The following TSHZ2 variants were observed in gnomAD, a reference collection of about 807,000 sequenced individuals.
The protein encoded by TSHZ2 is teashirt homolog 2.
Under a neutral mutation model 74.4 loss-of-function variants are expected in TSHZ2, and 21 were observed. The observed-to-expected ratio is 0.28, with a 90% CI of 0.20 to 0.41. The LOEUF (loss-of-function observed/expected upper bound fraction) is 0.41, where lower values mean the gene tolerates loss of function less well. Ranked by LOEUF, TSHZ2 falls within the 10% of genes least tolerant of loss-of-function variation. The pLI is 1.00. For synonymous variants in TSHZ2, 540 were observed against 515.3 expected, an observed-to-expected ratio of 1.05 and a Z score of -0.65; for missense variants, 1,244 against 1,293.5, an observed-to-expected ratio of 0.96 and a Z score of 0.59.
At chr20:53,190,412 C>A (rs1988711085) in intron 1 of TSHZ2, among the ~76,000 whole-genome samples, 1 of 151,664 alleles carries the variant, frequency 6.6e-6, no homozygotes, top group Non-Finnish European at 1.5e-5. Flanking sequence ...AGCAGCAACA[C>A]CCCTCTAGTG....
At chr20:53,005,398 G>A (rs998764998) in intron 1 of TSHZ2, among the ~76,000 whole-genome samples, 6 of 152,182 alleles carry the variant, frequency 3.9e-5, no homozygotes, top group Non-Finnish European at 8.8e-5. Flanking sequence ...TGGAGAAAAC[G>A]TGTAGATGTC....
intron 1 of TSHZ2, among the ~76,000 whole-genome samples, chr20:52,988,090 T>G (rs144833530): frequency 2.0e-5 from 3 of 152,188 alleles, no homozygotes; most frequent in African/African-American, 4.8e-5. Flanking sequence ...GCCCTTTCTA[T>G]GTAGTACCGG....
intron 1 of TSHZ2, among the ~76,000 whole-genome samples, chr20:53,065,742 A>G (rs1490750455): frequency 6.6e-6 from 1 of 152,202 alleles, no homozygotes; most frequent in Non-Finnish European, 1.5e-5. Flanking sequence ...TGTGCTGCAG[A>G]CGTGAATATA....
At chr20:53,041,873 C>A in intron 1 of TSHZ2, among the ~76,000 whole-genome samples, 1 of 152,222 alleles carries the variant, frequency 6.6e-6, no homozygotes, top group East Asian at 1.9e-4. Context: ...GCCCTACTGG[C>A]ATGAGCTCAT....
At chr20:53,052,149 C>T (rs916005387) in intron 1 of TSHZ2, among the ~76,000 whole-genome samples, 1 of 152,188 alleles carries the variant, frequency 6.6e-6, no homozygotes, top group Non-Finnish European at 1.5e-5. Flanking sequence ...CTCCTACTCC[C>T]CAGATCCTGG....
At chr20:53,240,497 A>G (rs1184044798) in intron 1 of TSHZ2, among the ~76,000 whole-genome samples, 1 of 152,110 alleles carries the variant, frequency 6.6e-6, no homozygotes, top group Non-Finnish European at 1.5e-5. Context: ...TACAACTGCA[A>G]ATTCCCTTTG....
chr20:53,105,967 G>A (rs1441254184), intron 1 of TSHZ2, among the ~76,000 whole-genome samples: 1 of 152,070 alleles, frequency 6.6e-6, no homozygotes, highest in Admixed American at 6.6e-5. Flanking sequence ...TTTTTAATTG[G>A]CAAATAATAA....
intron 1 of TSHZ2, among the ~76,000 whole-genome samples, chr20:53,078,289 G>A (rs1487953001): frequency 6.6e-6 from 1 of 152,132 alleles, no homozygotes; most frequent in Non-Finnish European, 1.5e-5. Flanking sequence ...TTTCATGACA[G>A]CTTTTTTTCT....
At chr20:53,286,912 C>CAT (rs1240690629) in intron 2 of TSHZ2, among the ~76,000 whole-genome samples, 1 of 151,698 alleles carries the variant, frequency 6.6e-6, no homozygotes, top group Non-Finnish European at 1.5e-5. Flanking sequence ...CACACACACA[C>CAT]ACACACACAC....
chr20:53,011,737 C>T (rs963519972), intron 1 of TSHZ2, among the ~76,000 whole-genome samples: 6 of 152,110 alleles, frequency 3.9e-5, no homozygotes, highest in South Asian at 2.1e-4. Context: ...ATTAAAATCT[C>T]CCCAGAGTCA....
intron 1 of TSHZ2, among the ~76,000 whole-genome samples, chr20:53,035,617 T>C (rs922389302): frequency 6.6e-6 from 1 of 152,238 alleles, no homozygotes; most frequent in Non-Finnish European, 1.5e-5. Flanking sequence ...TATTGATTTA[T>C]TTATTCAACT....
chr20:53,424,500 G>GTA (rs887851346), intron 2 of TSHZ2, among the ~76,000 whole-genome samples: 17 of 152,206 alleles, frequency 1.1e-4, no homozygotes, highest in African/African-American at 3.6e-4. Flanking sequence ...ATGTAGCCAT[G>GTA]TATATATATA....
intron 2 of TSHZ2, among the ~76,000 whole-genome samples, chr20:53,474,542 G>A (rs1337003918): frequency 4.8e-5 from 6 of 125,100 alleles, no homozygotes; most frequent in African/African-American, 1.6e-4. Flanking sequence ...GGTACCAGCC[G>A]CTGCAAAATC....
At chr20:53,192,923 G>A (rs1160061857) in intron 1 of TSHZ2, among the ~76,000 whole-genome samples, 1 of 152,172 alleles carries the variant, frequency 6.6e-6, no homozygotes, top group African/African-American at 2.4e-5. Context: ...ATCTAAGCCA[G>A]GGATGCTAAG....
intron 2 of TSHZ2, among the ~76,000 whole-genome samples, chr20:53,349,138 T>A (rs945340710): frequency 1.3e-5 from 2 of 152,242 alleles, no homozygotes; most frequent in Non-Finnish European, 2.9e-5. Flanking sequence ...GGGGTCAAGC[T>A]ACTTAGGTCT....
intron 2 of TSHZ2, among the ~76,000 whole-genome samples, chr20:53,378,127 G>A (rs1981727345): frequency 6.6e-6 from 1 of 152,080 alleles, no homozygotes; most frequent in Admixed American, 6.5e-5. Flanking sequence ...ATCACCTGAG[G>A]TCAGGAGTTC....
At position 53,253,504 on chromosome 20, in the gene TSHZ2, G is replaced by A. The variant is rs772450298; in HGVS notation, c.46G>A (p.Ala16Thr). 6 of 1,605,370 alleles carry A rather than the reference G, an allele frequency of 3.7e-6. No homozygotes were observed. Among genetic ancestry groups the A allele is most frequent in the South Asian group, 2.2e-5 (2 of 90,016 alleles). ...QQAPKRAAGY[A>T]QEEQLKEEEE... The stretch of plus-strand genomic sequence containing the variant: ...CTCTTCTTCTTCTCTTGCAGGCTAC[G>A]CCCAGGAGGAACAGCTGAAAGAAGA... The change falls in exon 2 of 3, where the codon GCC (alanine) becomes ACC (threonine). Residue 16 changes from alanine to threonine, a missense_variant. Ala to Thr is a moderately conservative substitution (Grantham distance 58). Around this residue, in one of 6 missense-constraint regions of TSHZ2, gnomAD observed 470 missense variants for 456.5 expected, o/e 1.03. Coordinates refer to ENST00000371497, the MANE Select transcript of TSHZ2 (RefSeq NM_173485.6).
chr20:53,024,831 C>CT (rs34266948), intron 1 of TSHZ2, among the ~76,000 whole-genome samples: 1 of 152,130 alleles, frequency 6.6e-6, no homozygotes, highest in Non-Finnish European at 1.5e-5. Context: ...TGGACTCATC[C>CT]TTTTGTATGG....
At chr20:52,988,894 G>A (rs956573925) in intron 1 of TSHZ2, among the ~76,000 whole-genome samples, 5 of 152,052 alleles carry the variant, frequency 3.3e-5, no homozygotes, top group Admixed American at 3.3e-4. Flanking sequence ...TAGGCTCCAG[G>A]ACTCTTCCTG....
Sources: gnomAD v4.1 joint callset for allele counts (sites outside exome capture counted in the v4.1 genomes callset) on GRCh38, gnomAD v4.1.1 for gene constraint, gnomAD v4.1.1 regional missense constraint, MANE v1.5 for transcripts, NCBI Gene and HGNC (gene_info 2026-07-23, HGNC 2026-07-21) for gene names.